Variants in FGF14 observed in about 807,000 individuals in gnomAD.
The protein encoded by FGF14 is fibroblast growth factor 14.
FGF14 carries 5 observed loss-of-function variants against 25.5 expected under a neutral mutation model. The observed-to-expected ratio is 0.20, with a 90% confidence interval of 0.10 to 0.41. The LOEUF is 0.41. FGF14 is among the 10% of genes least tolerant of loss of function. The pLI, the probability that FGF14 is intolerant of heterozygous loss-of-function variation, is 1.00. For missense variants in FGF14, 222 were observed against 320.1 expected (o/e 0.69, Z 2.34); for synonymous variants, 138 against 118.3 (o/e 1.17, Z -1.08).
chr13:101,956,853 A>G (rs1319791822), intron 1 of FGF14, among the ~76,000 whole-genome samples: 1 of 151,660 alleles, frequency 6.6e-6, no homozygotes, highest in Non-Finnish European at 1.5e-5. Context: ...CTCCCAGGAA[A>G]GAAGAAAAAG....
intron 1 of FGF14, among the ~76,000 whole-genome samples, chr13:102,187,446 G>A (rs1271806475): frequency 1.3e-5 from 2 of 152,106 alleles, no homozygotes; most frequent in Non-Finnish European, 2.9e-5. Context: ...TAGAACTTGT[G>A]GGGCACCAGA....
chr13:101,816,209 G>C (rs1384085022), intron 3 of FGF14, among the ~76,000 whole-genome samples: 1 of 148,322 alleles, frequency 6.7e-6, no homozygotes, highest in Non-Finnish European at 1.5e-5. Flanking sequence ...GGCGGAGCTT[G>C]CAGTGAGCCG....
chr13:101,902,461 C>T (rs1268546572), intron 1 of FGF14, among the ~76,000 whole-genome samples: 1 of 152,066 alleles, frequency 6.6e-6, no homozygotes, highest in South Asian at 2.1e-4. Context: ...ACTTTAAATA[C>T]CATGCCAATA....
At chr13:102,357,123 G>GT (rs5806298) in intron 1 of FGF14, among the ~76,000 whole-genome samples, 127,390 of 144,942 alleles carry the variant, frequency 0.88, 57,769 homozygotes, top group South Asian at 0.99. Context: ...CCATTATAAT[G>GT]TTTTTTTTTT....
chr13:101,820,038 G>A (rs963933361), intron 3 of FGF14, among the ~76,000 whole-genome samples: 18 of 152,244 alleles, frequency 1.2e-4, no homozygotes, highest in Middle Eastern at 3.4e-3. Flanking sequence ...GCTGACAGCA[G>A]GTAAAAAGAT....
intron 1 of FGF14, among the ~76,000 whole-genome samples, chr13:102,213,470 T>C (rs986982810): frequency 6.6e-6 from 1 of 152,168 alleles, no homozygotes; most frequent in African/African-American, 2.4e-5. Flanking sequence ...GTGAAGCTGA[T>C]TTTCAGGAGT....
chr13:101,733,849 TTA>T (rs200908863), intron 3 of FGF14, among the ~76,000 whole-genome samples: 2,660 of 151,782 alleles, frequency 0.018, 38 homozygotes, highest in South Asian at 0.039. Flanking sequence ...TTATTAAATA[TTA>T]TATGTTACTT....
rs2033561816 is a variant in FGF14, at chr13:101,916,824, C to CCGCGGGG, written c.-186_-180dup. Among the ~76,000 whole-genome samples the CCGCGGGG allele has an allele frequency of 6.6e-6, 1 of 152,136 alleles. No individual in the cohort carries two copies. Among genetic ancestry groups the CCGCGGGG allele is most frequent in the Non-Finnish European group, 1.5e-5 (1 of 68,004 alleles). On this transcript the variant is annotated 5_prime_UTR_variant, in exon 1 of 5. Coordinates refer to ENST00000376143, the MANE Select transcript of FGF14 (RefSeq NM_004115.4). ...TCCTGACCGGGACCCATCGCCCTCTCCGCGGGGCGCGGGGCCAGGCGCGCA... is the reference window on the plus strand; with the variant it reads ...TCCTGACCGGGACCCATCGCCCTCTCCGCGGGGCGCGGGGCGCGGGGCCAGGCGCGCA...
intron 3 of FGF14, among the ~76,000 whole-genome samples, chr13:101,756,664 C>T (rs188637345): frequency 2.6e-3 from 402 of 152,176 alleles, no homozygotes; most frequent in Middle Eastern, 0.02. Context: ...ATCCAGGAGG[C>T]GGAGGTTGCC....
chr13:102,143,356 T>C (rs1053806312), intron 1 of FGF14, among the ~76,000 whole-genome samples: 10 of 152,144 alleles, frequency 6.6e-5, no homozygotes, highest in African/African-American at 2.4e-4. Context: ...AAAAAATGTG[T>C]GTGTGTTTAT....
At chr13:101,753,287 A>C (rs1458684616) in intron 3 of FGF14, among the ~76,000 whole-genome samples, 1 of 116,160 alleles carries the variant, frequency 8.6e-6, no homozygotes, top group African/African-American at 3.3e-5. Flanking sequence ...ACACACAGAC[A>C]CACACAGACA....
chr13:101,837,434 A>C (rs1339464087), intron 3 of FGF14, among the ~76,000 whole-genome samples: 1 of 152,112 alleles, frequency 6.6e-6, no homozygotes, highest in Non-Finnish European at 1.5e-5. Context: ...TGTTGTGAGA[A>C]TAAAATGAGA....
chr13:101,776,888 T>C (rs2039144985), intron 3 of FGF14, among the ~76,000 whole-genome samples: 1 of 152,198 alleles, frequency 6.6e-6, no homozygotes, highest in South Asian at 2.1e-4. Context: ...GGTTTCCATT[T>C]CATAGTCAAT....
intron 1 of FGF14, among the ~76,000 whole-genome samples, chr13:101,905,534 A>G (rs749617220): frequency 6.6e-6 from 1 of 151,902 alleles, no homozygotes; most frequent in Non-Finnish European, 1.5e-5. Context: ...GGGGGACATC[A>G]CACGCTGGGG....
chr13:102,019,520 A>G (rs532582814), intron 1 of FGF14, among the ~76,000 whole-genome samples: 1 of 152,140 alleles, frequency 6.6e-6, no homozygotes, highest in Admixed American at 6.5e-5. Flanking sequence ...TGATGTTCCC[A>G]CCTCTCCCTT....
intron 1 of FGF14, among the ~76,000 whole-genome samples, chr13:101,990,783 T>C (rs1295408336): frequency 6.6e-6 from 1 of 152,126 alleles, no homozygotes; most frequent in Non-Finnish European, 1.5e-5. Flanking sequence ...GAAAAATGGC[T>C]TAAATAAATT....
chr13:102,148,006 G>A (rs1272106514), intron 1 of FGF14, among the ~76,000 whole-genome samples: 1 of 152,088 alleles, frequency 6.6e-6, no homozygotes, highest in Admixed American at 6.5e-5. Flanking sequence ...TACCTGGAAG[G>A]TATGTAATTT....
chr13:101,933,501 A>G (rs1415219870), intron 1 of FGF14, among the ~76,000 whole-genome samples: 1 of 152,176 alleles, frequency 6.6e-6, no homozygotes, highest in East Asian at 1.9e-4. Flanking sequence ...AGACAGGAGG[A>G]TCACTTTAGG....
chr13:101,794,192 TC>T (rs1244744201), intron 3 of FGF14, among the ~76,000 whole-genome samples: 4 of 114,986 alleles, frequency 3.5e-5, no homozygotes, highest in East Asian at 4.0e-4. Context: ...ACTGTCTCTC[TC>T]CCCCTGGTTC....
Sources: gnomAD v4.1 joint callset for allele counts (sites outside exome capture counted in the v4.1 genomes callset) on GRCh38, gnomAD v4.1.1 for gene constraint, MANE v1.5 for transcripts, NCBI Gene and HGNC (gene_info 2026-07-23, HGNC 2026-07-21) for gene names.